The following SMARCA2 variants were observed in gnomAD, a reference collection of about 807,000 sequenced individuals.
SMARCA2 encodes the protein SWI/SNF-related matrix-associated actin-dependent regulator of chromatin subfamily A member 2.
A neutral mutation model predicts 199.8 loss-of-function variants in SMARCA2; 61 were observed. The observed-to-expected ratio is 0.31, with a 90% CI of 0.25 to 0.38. SMARCA2 has a LOEUF of 0.38. Among genes scored for constraint, SMARCA2 ranks in the 10% least tolerant of loss-of-function variants. SMARCA2 has a pLI of 1.00. For missense variants in SMARCA2, 1,344 were observed against 2,012.2 expected (o/e 0.67, Z 6.35); for synonymous variants, 935 against 732.0 (o/e 1.28, Z -4.48).
intron 1 of SMARCA2, among the ~76,000 whole-genome samples, chr9:2,019,651 C>T (rs973866616): frequency 6.6e-5 from 10 of 152,084 alleles, no homozygotes; most frequent in Non-Finnish European, 1.3e-4. Flanking sequence ...ATAAATCATT[C>T]TACAGGCCAG....
chr9:2,187,375 T>C (rs1312979367), intron 32 of SMARCA2, among the ~76,000 whole-genome samples: 2 of 152,108 alleles, frequency 1.3e-5, no homozygotes, highest in Non-Finnish European at 2.9e-5. Flanking sequence ...TGTCAGAAGT[T>C]GAAAATTTCT....
chr9:2,160,907 C>A, intron 27 of SMARCA2: 1 of 324,166 alleles, frequency 3.1e-6, no homozygotes, highest in Non-Finnish European at 5.5e-6. Context: ...GTTTAAACTT[C>A]TGGGTCTGTC....
intron 32 of SMARCA2, among the ~76,000 whole-genome samples, chr9:2,189,062 C>T (rs1456077763): frequency 6.6e-6 from 1 of 152,204 alleles, no homozygotes; most frequent in Non-Finnish European, 1.5e-5. Flanking sequence ...AGACTGGGCC[C>T]ACCTGGATAA....
intron 22 of SMARCA2, among the ~76,000 whole-genome samples, chr9:2,103,229 A>T (rs10811434): frequency 0.12 from 18,311 of 152,166 alleles, 1,508 homozygotes; most frequent in East Asian, 0.34. Flanking sequence ...TGGGCCATAA[A>T]GTGTCTGCCA....
chr9:2,161,163 C>T lies in SMARCA2; in HGVS notation c.3982-523C>T, dbSNP rs1368463404. The T allele has an allele frequency of 1.9e-5, 3 of 154,530 alleles. No individual in the cohort carries two copies. Among genetic ancestry groups the T allele is most frequent in the Admixed American group, 1.9e-4 (3 of 15,568 alleles). The allele number at this position is 154,530 out of a possible 1,614,324, so 9.6% of individuals were successfully genotyped here. A position where few individuals can be genotyped will look rare whatever the true frequency, so the allele number is the denominator to read the frequency against. ...TTGTTTACTAATTGCCACGTTAGAA[C>T]AAAAATCTAGATGGAATTTTGATTT... On this transcript the variant is annotated intron_variant, in intron 27 of 33. Coordinates refer to ENST00000349721, the MANE Select transcript of SMARCA2 (RefSeq NM_003070.5). The surrounding 1 kb of genome is among the most constrained non-coding windows in gnomAD (Gnocchi z 4.7).
At chr9:2,157,459 A>T (rs1010484655) in intron 27 of SMARCA2, among the ~76,000 whole-genome samples, 2 of 152,156 alleles carry the variant, frequency 1.3e-5, no homozygotes, top group East Asian at 1.9e-4. Context: ...CTGGAATCCA[A>T]CTAGAGTTCC....
intron 32 of SMARCA2, among the ~76,000 whole-genome samples, chr9:2,187,961 G>A (rs1039825285): frequency 1.3e-5 from 2 of 151,910 alleles, no homozygotes; most frequent in African/African-American, 4.8e-5. Flanking sequence ...ACAAATTTAT[G>A]TGTGGAAAAA....
intron 21 of SMARCA2, among the ~76,000 whole-genome samples, chr9:2,098,103 G>C (rs12005110): frequency 0.15 from 22,615 of 152,120 alleles, 1,880 homozygotes; most frequent in African/African-American, 0.22. Flanking sequence ...TCACCCCAGT[G>C]GGCACAATTG....
chr9:2,018,416 T>C (rs1319641433), intron 1 of SMARCA2, among the ~76,000 whole-genome samples: 1 of 152,220 alleles, frequency 6.6e-6, no homozygotes, highest in African/African-American at 2.4e-5. Context: ...CAAAGCGACC[T>C]GGGCTAGTAA....
At chr9:2,019,507 A>AT (rs1167482485) in intron 1 of SMARCA2, among the ~76,000 whole-genome samples, 1 of 152,010 alleles carries the variant, frequency 6.6e-6, no homozygotes, top group African/African-American at 2.4e-5. Context: ...AAAAAAAAAA[A>AT]AAAAAAAGTG....
At chr9:2,090,736 C>T (rs528131411) in intron 19 of SMARCA2, among the ~76,000 whole-genome samples, 3 of 152,274 alleles carry the variant, frequency 2.0e-5, no homozygotes, top group African/African-American at 7.2e-5. Context: ...TCTTTGCTCT[C>T]CTTCCGGTAG....
chr9:2,177,647 G>A (rs189966913), intron 29 of SMARCA2, among the ~76,000 whole-genome samples: 9 of 152,178 alleles, frequency 5.9e-5, no homozygotes, highest in Admixed American at 3.9e-4. Context: ...CCGCCTCCTG[G>A]GTTCAAGCAA....
intron 27 of SMARCA2, among the ~76,000 whole-genome samples, chr9:2,149,077 T>TCA: frequency 6.6e-6 from 1 of 151,152 alleles, no homozygotes; most frequent in African/African-American, 2.4e-5. Flanking sequence ...TTCACACTGC[T>TCA]GATAAAGACA....
chr9:2,151,145 ATAAC>A (rs1825050053), intron 27 of SMARCA2, among the ~76,000 whole-genome samples: 3 of 151,524 alleles, frequency 2.0e-5, no homozygotes, highest in Admixed American at 2.0e-4. Flanking sequence ...ATTTTGATCA[ATAAC>A]TAATCATATC....
chr9:2,021,239 A>G (rs1425526675), intron 1 of SMARCA2, among the ~76,000 whole-genome samples: 1 of 152,208 alleles, frequency 6.6e-6, no homozygotes, highest in Non-Finnish European at 1.5e-5. Context: ...TGGGACCCAC[A>G]GAAGTTGAAA....
chr9:2,039,355 C>T lies in SMARCA2; in HGVS notation c.356-111C>T. 2.0e-6 allele frequency: 2 copies of T among 978,386 alleles called. No individual in the cohort carries two copies. Among genetic ancestry groups the T allele is most frequent in the Admixed American group, 2.7e-5 (1 of 37,308 alleles). 60.6% of individuals were successfully genotyped at this position (978,386 alleles called of 1,614,324 possible). A position where few individuals can be genotyped will look rare whatever the true frequency, so the allele number is the denominator to read the frequency against. On this transcript the variant is annotated intron_variant, in intron 3 of 33. Transcript: ENST00000349721. The surrounding 1 kb of genome is among the most constrained non-coding windows in gnomAD (Gnocchi z 4.8). ...TATAATTAATAAATGATATGTCATT[C>T]AAATTTCTGTCAGACAGTGTTGCTG...
chr9:2,015,732 A>T (rs2130097402), intron 1 of SMARCA2, among the ~76,000 whole-genome samples: 1 of 152,334 alleles, frequency 6.6e-6, no homozygotes, highest in East Asian at 1.9e-4. Context: ...AAGGGGGCAA[A>T]GGAGGAAAAA....
intron 1 of SMARCA2, among the ~76,000 whole-genome samples, chr9:2,024,033 A>G (rs1586617853): frequency 2.0e-5 from 3 of 152,212 alleles, no homozygotes; most frequent in East Asian, 1.9e-4. Flanking sequence ...TGGACCTCCA[A>G]GTTTTTCTGT....
At chr9:2,041,396 C>T (rs1563726342) in intron 4 of SMARCA2, 10 of 398,618 alleles carry the variant, frequency 2.5e-5, no homozygotes, top group South Asian at 1.3e-4. Context: ...GGGCCTGCTT[C>T]CTGATTCATA....
Sources: gnomAD v4.1 joint callset for allele counts (sites outside exome capture counted in the v4.1 genomes callset) on GRCh38, gnomAD v4.1.1 for gene constraint, Gnocchi (gnomAD v3.1) non-coding constraint, MANE v1.5 for transcripts, NCBI Gene and HGNC (gene_info 2026-07-23, HGNC 2026-07-21) for gene names.